Variants in DEPTOR observed in about 807,000 individuals in gnomAD.
DEPTOR encodes DEP domain-containing mTOR-interacting protein.
A neutral mutation model predicts 41.6 loss-of-function variants in DEPTOR; 41 were observed. The observed-to-expected ratio is 0.98, with a 90% CI of 0.77 to 1.28. DEPTOR has a LOEUF of 1.28. DEPTOR is among the 50% of genes most tolerant of loss of function. The pLI, the probability that DEPTOR is intolerant of heterozygous loss-of-function variation, is 0.00. For synonymous variants in DEPTOR, 195 were observed against 192.3 expected (o/e 1.01, Z -0.12); for missense variants, 514 against 527.9 (o/e 0.97, Z 0.26).
At chr8:119,942,214 A>AT (rs1828212792) in intron 3 of DEPTOR, among the ~76,000 whole-genome samples, 1 of 152,066 alleles carries the variant, frequency 6.6e-6, no homozygotes, top group Non-Finnish European at 1.5e-5. Context: ...TTATTGATTG[A>AT]TTTTTTGAGA....
intron 1 of DEPTOR, among the ~76,000 whole-genome samples, chr8:119,926,691 C>T (rs7813263): frequency 0.21 from 31,413 of 152,074 alleles, 3,435 homozygotes; most frequent in Middle Eastern, 0.34. Flanking sequence ...CTACTGGATA[C>T]CTCTCCTTTA....
chr8:119,951,898 G>C (rs1828358094), intron 3 of DEPTOR, among the ~76,000 whole-genome samples: 1 of 152,184 alleles, frequency 6.6e-6, no homozygotes, highest in Non-Finnish European at 1.5e-5. Context: ...AGCACTTTGA[G>C]AGGATGAGAT....
chr8:119,912,189 C>A (rs1053139039), intron 1 of DEPTOR, among the ~76,000 whole-genome samples: 1 of 151,840 alleles, frequency 6.6e-6, no homozygotes, highest in African/African-American at 2.4e-5. Flanking sequence ...AAGGGAGTAG[C>A]CTAAATATAG....
chr8:119,997,543 T>G (rs1341778240), intron 4 of DEPTOR, among the ~76,000 whole-genome samples: 1 of 152,166 alleles, frequency 6.6e-6, no homozygotes, highest in Admixed American at 6.6e-5. Flanking sequence ...TCCAGATTAT[T>G]TATTAAGAAC....
At chr8:120,017,497 G>A (rs187811541) in intron 8 of DEPTOR, among the ~76,000 whole-genome samples, 5 of 152,256 alleles carry the variant, frequency 3.3e-5, no homozygotes, top group African/African-American at 9.6e-5. Flanking sequence ...CGTGTCTTCC[G>A]CAGAGAGAAT....
chr8:119,999,961 C>A (rs989206265), intron 4 of DEPTOR, among the ~76,000 whole-genome samples: 2 of 152,158 alleles, frequency 1.3e-5, no homozygotes, highest in Non-Finnish European at 2.9e-5. Flanking sequence ...CTCACACACA[C>A]AAATCAGTGC....
intron 4 of DEPTOR, among the ~76,000 whole-genome samples, chr8:119,975,651 ATTTG>A (rs1198872015): frequency 1.3e-5 from 2 of 151,974 alleles, no homozygotes; most frequent in Non-Finnish European, 2.9e-5. Flanking sequence ...TATCAGGGTT[ATTTG>A]CTAAAACTGG....
At chr8:119,902,853 T>C (rs753978698) in intron 1 of DEPTOR, among the ~76,000 whole-genome samples, 1 of 152,194 alleles carries the variant, frequency 6.6e-6, no homozygotes, top group Non-Finnish European at 1.5e-5. Context: ...TTTAAAAATA[T>C]GCAAAATTGG....
chr8:120,046,395 A>G (rs557204854), intron 8 of DEPTOR, among the ~76,000 whole-genome samples: 10 of 150,218 alleles, frequency 6.7e-5, no homozygotes, highest in African/African-American at 2.4e-4. Context: ...TCAATAATCT[A>G]CTTGCTGTCT....
intron 8 of DEPTOR, among the ~76,000 whole-genome samples, chr8:120,020,308 T>C (rs1290427926): frequency 6.6e-6 from 1 of 152,202 alleles, no homozygotes; most frequent in Non-Finnish European, 1.5e-5. Flanking sequence ...CTCAAACTCC[T>C]GACCTCAAGT....
intron 3 of DEPTOR, among the ~76,000 whole-genome samples, chr8:119,930,517 G>T (rs913979650): frequency 9.9e-5 from 15 of 152,164 alleles, no homozygotes; most frequent in Admixed American, 5.2e-4. Context: ...CATTGCAGGT[G>T]TGAGCCACCG....
chr8:119,947,094 G>C (rs1490264785), intron 3 of DEPTOR, among the ~76,000 whole-genome samples: 1 of 152,182 alleles, frequency 6.6e-6, no homozygotes, highest in Admixed American at 6.5e-5. Context: ...CAATGATTCT[G>C]TTAAGGTAAG....
At chr8:119,939,966 C>T (rs977381774) in intron 3 of DEPTOR, among the ~76,000 whole-genome samples, 1 of 151,870 alleles carries the variant, frequency 6.6e-6, no homozygotes, top group Non-Finnish European at 1.5e-5. Context: ...ACCTGTAATC[C>T]CAGCACTTTG....
At position 119,996,580 on chromosome 8, in the gene DEPTOR, T is replaced by A. The variant is rs931821961; in HGVS notation, c.605-4945T>A. 8.5e-5 allele frequency among the ~76,000 whole-genome samples: 13 copies of A among 152,182 alleles called. 1 individual carries two copies. Among genetic ancestry groups the A allele is most frequent in the Non-Finnish European group, 8.8e-5 (6 of 68,022 alleles). On this transcript the variant is annotated intron_variant, in intron 4 of 8. Coordinates refer to ENST00000286234, the MANE Select transcript of DEPTOR (RefSeq NM_022783.4). ...GGTATAGAGGTGGGGAGGTATAAGC[T>A]GGAGACTGGATGTAAACTAAACACT...
intron 4 of DEPTOR, among the ~76,000 whole-genome samples, chr8:119,990,024 C>G (rs1273332337): frequency 6.6e-6 from 1 of 152,226 alleles, no homozygotes; most frequent in African/African-American, 2.4e-5. Flanking sequence ...TTAGGCTTCT[C>G]TGCACTTACA....
chr8:119,878,538 A>G (rs1014516225), intron 1 of DEPTOR, among the ~76,000 whole-genome samples: 9 of 151,518 alleles, frequency 5.9e-5, no homozygotes, highest in African/African-American at 2.2e-4. Context: ...CATGTTGGCC[A>G]GAATGGTCTC....
At chr8:120,008,941 A>C (rs1812489486) in intron 7 of DEPTOR, 88 bp from the exon 8 acceptor site, 7 of 1,214,042 alleles carry the variant, frequency 5.8e-6, no homozygotes, top group Non-Finnish European at 8.4e-6. Context: ...GTGTATACTT[A>C]ATCCTGGGCT....
At chr8:119,882,661 A>T (rs905353231) in intron 1 of DEPTOR, among the ~76,000 whole-genome samples, 1 of 151,972 alleles carries the variant, frequency 6.6e-6, no homozygotes, top group African/African-American at 2.4e-5. Flanking sequence ...CTCCCACCTC[A>T]GCCTCCCAAA....
In DEPTOR at chr8:119,937,300, T is replaced by C. The variant is rs1291193973; in HGVS notation, c.425+7362T>C. Among the ~76,000 whole-genome samples the C allele has an allele frequency of 2.6e-5, 4 of 151,806 alleles. No homozygotes were observed. The East Asian group carries it at 7.8e-4, about 30-fold the overall frequency. ...CTGTAGTCCCAGCTACTTGGGAGGC[T>C]GAGGCAGGAGAATCGCTTGAACCCG... On this transcript the variant is annotated intron_variant, in intron 3 of 8. Transcript: ENST00000286234.
Sources: gnomAD v4.1 joint callset for allele counts (sites outside exome capture counted in the v4.1 genomes callset) on GRCh38, gnomAD v4.1.1 for gene constraint, MANE v1.5 for transcripts, NCBI Gene and HGNC (gene_info 2026-07-23, HGNC 2026-07-21) for gene names.